The following SIK3 variants were observed in gnomAD, a reference collection of about 807,000 sequenced individuals.
SIK3 encodes serine/threonine-protein kinase SIK3.
A neutral mutation model predicts 144.2 loss-of-function variants in SIK3; 28 were observed. The observed-to-expected ratio is 0.19, with a 90% CI of 0.14 to 0.27. The LOEUF (loss-of-function observed/expected upper bound fraction) is 0.27. Ranked by LOEUF, SIK3 falls within the 10% of genes least tolerant of loss-of-function variation. The pLI is 1.00. For missense variants in SIK3, 1,319 were observed against 1,776.0 expected (o/e 0.74, Z 4.62); for synonymous variants, 686 against 676.3 (o/e 1.01, Z -0.22).
At chr11:116,903,760 T>A (rs545083386) in intron 4 of SIK3, among the ~76,000 whole-genome samples, 3 of 152,140 alleles carry the variant, frequency 2.0e-5, no homozygotes, top group South Asian at 4.1e-4. Flanking sequence ...TAAAAAAAAT[T>A]TTTTTGTAGT....
At chr11:117,035,667 A>T in intron 1 of SIK3, 1 of 663,684 alleles carries the variant, frequency 1.5e-6, no homozygotes, top group Admixed American at 2.5e-5. Flanking sequence ...CGATCCTCCC[A>T]CCTTAGCCTC....
intron 16 of SIK3, 37 bp downstream of exon 16, chr11:116,863,631 A>G (rs1943469689): frequency 6.2e-7 from 1 of 1,613,000 alleles, no homozygotes; most frequent in Non-Finnish European, 8.5e-7. Context: ...TCTGTCACCC[A>G]TGCTCCTCCA....
chr11:117,081,301 C>T (rs993022192), intron 1 of SIK3, among the ~76,000 whole-genome samples: 12 of 152,078 alleles, frequency 7.9e-5, no homozygotes, highest in Admixed American at 5.9e-4. Context: ...ATTAGAGAGG[C>T]AAATACATAG....
At chr11:116,864,086 G>C (rs994878563) in intron 15 of SIK3, 1 of 306,608 alleles carries the variant, frequency 3.3e-6, no homozygotes, top group African/African-American at 2.2e-5. Flanking sequence ...AGTACATCCA[G>C]TTCTTATAAA....
intron 1 of SIK3, among the ~76,000 whole-genome samples, chr11:117,003,596 AG>A (rs1565545816): frequency 6.6e-6 from 1 of 152,150 alleles, no homozygotes; most frequent in Non-Finnish European, 1.5e-5. Flanking sequence ...GTTCAACACA[AG>A]GTAGGCAACA....
At chr11:117,014,898 T>C (rs1951453191) in intron 1 of SIK3, among the ~76,000 whole-genome samples, 1 of 152,078 alleles carries the variant, frequency 6.6e-6, no homozygotes. Flanking sequence ...ACCCTGTTTC[T>C]ACTAAAAATA....
At chr11:116,906,294 T>C (rs1417529596) in intron 4 of SIK3, among the ~76,000 whole-genome samples, 1 of 152,060 alleles carries the variant, frequency 6.6e-6, no homozygotes, top group African/African-American at 2.4e-5. Context: ...AATATGGCCC[T>C]GAGCAGATGA....
chr11:116,860,514 G>C (rs746254214), intron 19 of SIK3, among the ~76,000 whole-genome samples: 1 of 152,192 alleles, frequency 6.6e-6, no homozygotes, highest in African/African-American at 2.4e-5. Flanking sequence ...AGGGGCCCAC[G>C]TGTATAGTAG....
At chr11:117,002,493 T>A (rs531490277) in intron 1 of SIK3, among the ~76,000 whole-genome samples, 25 of 152,234 alleles carry the variant, frequency 1.6e-4, no homozygotes, top group Non-Finnish European at 2.9e-4. Context: ...CCAGCATCCG[T>A]CTTAGATCAT....
At position 116,843,805 on chromosome 11, in the gene SIK3, AC is replaced by A. The variant is rs1286458730; in HGVS notation, c.*1837del. The A allele has an allele frequency of 6.6e-6, 1 of 151,994 alleles. No homozygotes were observed. Among genetic ancestry groups the A allele is most frequent in the African/African-American group, 2.4e-5 (1 of 41,358 alleles). The allele number at this position is 151,994 out of a possible 1,614,324, so 9.4% of individuals were successfully genotyped here. A position where few individuals can be genotyped will look rare whatever the true frequency, so the allele number is the denominator to read the frequency against. Reference sequence around the variant, plus strand: ...GCCCCCTTCTGGTGAGTAGTTGGTGACCCCACCAAGTGGAGGGGAGACTGGG... The same window carrying A: ...GCCCCCTTCTGGTGAGTAGTTGGTGACCCACCAAGTGGAGGGGAGACTGGG... On this transcript the variant is annotated 3_prime_UTR_variant, in exon 25 of 25. Coordinates refer to ENST00000445177, the MANE Select transcript of SIK3 (RefSeq NM_001366686.3).
At chr11:116,984,042 C>T (rs572002158) in intron 1 of SIK3, among the ~76,000 whole-genome samples, 17 of 127,108 alleles carry the variant, frequency 1.3e-4, no homozygotes, top group African/African-American at 5.3e-4. Flanking sequence ...CAGAGCAAGA[C>T]CCTGACTCAA....
intron 1 of SIK3, among the ~76,000 whole-genome samples, chr11:116,960,526 CA>C (rs377226998): frequency 3.3e-5 from 5 of 151,752 alleles, no homozygotes; most frequent in African/African-American, 4.8e-5. Context: ...TTCTCCAAAA[CA>C]AAAAAACAAA....
intron 1 of SIK3, among the ~76,000 whole-genome samples, chr11:117,000,699 A>G (rs1223699663): frequency 6.6e-6 from 1 of 152,232 alleles, no homozygotes. Context: ...TGTCCAATTT[A>G]TTCAGACACT....
chr11:116,979,659 C>T (rs1217706289), intron 1 of SIK3, among the ~76,000 whole-genome samples: 1 of 152,080 alleles, frequency 6.6e-6, no homozygotes, highest in Non-Finnish European at 1.5e-5. Flanking sequence ...CCAGACTGAC[C>T]AACATGGCAA....
At chr11:116,889,670 C>T (rs1045093889) in intron 6 of SIK3, among the ~76,000 whole-genome samples, 3 of 151,648 alleles carry the variant, frequency 2.0e-5, no homozygotes, top group South Asian at 4.2e-4. Flanking sequence ...CCGTGGTGGG[C>T]GGACTGCTTG....
rs543285449 is a variant in SIK3 at position 117,044,972 on chromosome 11, T to C, written c.273+53171A>G. Among the ~76,000 whole-genome samples the C allele has an allele frequency of 2.0e-5, 3 of 152,354 alleles. No homozygotes were observed. The East Asian group carries it at 5.8e-4, about 29-fold the overall frequency. On this transcript the variant is annotated intron_variant, in intron 1 of 24. Transcript: ENST00000445177. ...AACATCGGCAAATCAGCCATAGAAT[T>C]TCCTCAGTTATCTTTCTTGGCTTCA...
At chr11:116,952,227 C>T (rs1163943470) in intron 3 of SIK3, among the ~76,000 whole-genome samples, 1 of 151,824 alleles carries the variant, frequency 6.6e-6, no homozygotes, top group Admixed American at 6.6e-5. Context: ...ATAGTGAGAC[C>T]CCCGTCTCTA....
intron 1 of SIK3, among the ~76,000 whole-genome samples, chr11:116,986,455 C>T (rs911889315): frequency 4.6e-5 from 7 of 152,136 alleles, no homozygotes; most frequent in African/African-American, 1.4e-4. Context: ...ATCCCATTTC[C>T]TGGTAATTGC....
At chr11:116,949,754 AC>A (rs1307514493) in intron 3 of SIK3, among the ~76,000 whole-genome samples, 1 of 152,168 alleles carries the variant, frequency 6.6e-6, no homozygotes, top group Non-Finnish European at 1.5e-5. Flanking sequence ...AATGTCCTTT[AC>A]CACAACCTCC....
Sources: allele counts gnomAD v4.1 joint callset (sites outside exome capture counted in the v4.1 genomes callset), GRCh38; gene constraint gnomAD v4.1.1; transcripts MANE v1.5; gene names NCBI Gene and HGNC (gene_info 2026-07-23, HGNC 2026-07-21).